The following TFCP2L1 variants were observed in gnomAD, a reference collection of about 807,000 sequenced individuals.
The protein encoded by TFCP2L1 is transcription factor CP2 like 1, also known as transcription factor CP2-like protein 1.
In TFCP2L1, 12 loss-of-function variants were observed where a neutral mutation model predicts 72.2. That is an observed-to-expected ratio of 0.17 (90% confidence interval 0.11 to 0.27). TFCP2L1 has a LOEUF of 0.27. Among genes scored for constraint, TFCP2L1 ranks in the 10% least tolerant of loss-of-function variants. The pLI, the probability that TFCP2L1 is intolerant of heterozygous loss-of-function variation, is 1.00. For missense variants in TFCP2L1, 488 were observed against 624.6 expected, an observed-to-expected ratio of 0.78 and a Z score of 2.33; for synonymous variants, 260 against 251.0, an observed-to-expected ratio of 1.04 and a Z score of -0.34.
chr2:121,266,277 C>T (rs757520446), intron 2 of TFCP2L1, among the ~76,000 whole-genome samples: 1 of 151,980 alleles, frequency 6.6e-6, no homozygotes, highest in Non-Finnish European at 1.5e-5. Context: ...ACCTTCCTTC[C>T]TTCCCTCTCT....
chr2:121,241,483 C>T (rs1396876440), intron 7 of TFCP2L1, among the ~76,000 whole-genome samples: 4 of 151,576 alleles, frequency 2.6e-5, no homozygotes, highest in East Asian at 1.9e-4. Context: ...GGCAACAGAG[C>T]GAGACTCAGT....
At chr2:121,235,554 C>A (rs1686229177) in intron 10 of TFCP2L1, among the ~76,000 whole-genome samples, 1 of 150,522 alleles carries the variant, frequency 6.6e-6, no homozygotes, top group South Asian at 2.1e-4. Flanking sequence ...CATTGCCTGC[C>A]CTGCTTGCTT....
At chr2:121,235,135 C>T in intron 11 of TFCP2L1, 86 bp downstream of exon 11, 1 of 1,437,834 alleles carries the variant, frequency 7.0e-7, no homozygotes. Context: ...GACCACCCAC[C>T]ATCCAAAAGG....
chr2:121,236,397 G>GA (rs754722678), intron 10 of TFCP2L1, among the ~76,000 whole-genome samples: 1 of 152,124 alleles, frequency 6.6e-6, no homozygotes, highest in Non-Finnish European at 1.5e-5. Context: ...AGGAACATAG[G>GA]AAGGTGACCG....
chr2:121,279,055 T>C (rs992033426), intron 2 of TFCP2L1, among the ~76,000 whole-genome samples: 5 of 151,812 alleles, frequency 3.3e-5, no homozygotes, highest in African/African-American at 4.8e-5. Flanking sequence ...ACTCAGCTAA[T>C]GGCCTTACCA....
chr2:121,234,334 G>GGGT (rs1198601691), intron 11 of TFCP2L1, 140 bp from the exon 12 acceptor site: 1 of 767,660 alleles, frequency 1.3e-6, no homozygotes, highest in Non-Finnish European at 2.1e-6. Context: ...GCCTGTCATG[G>GGGT]GGTGGTGGAT....
In TFCP2L1 at chr2:121,265,676, G is replaced by T. The variant is rs1042213425; in HGVS notation, c.214+15444C>A. On this transcript the variant is annotated intron_variant, in intron 2 of 14. Transcript: ENST00000263707. ...TTTTTGTATTTTTAGTAGAGTCGGGGTTTCACCATGTTAGCCAGGCTGGTC... is the reference window on the plus strand; with the variant it reads ...TTTTTGTATTTTTAGTAGAGTCGGGTTTTCACCATGTTAGCCAGGCTGGTC... Among the ~76,000 whole-genome samples, 3 of 151,962 alleles carry T rather than the reference G, an allele frequency of 2.0e-5. No homozygotes were observed. The East Asian group carries it at 5.8e-4, about 29-fold the overall frequency.
At position 121,260,528 on chromosome 2, in the gene TFCP2L1, C is replaced by T. The variant is rs535219066; in HGVS notation, c.215-10881G>A. 1.1e-3 allele frequency among the ~76,000 whole-genome samples: 174 copies of T among 152,348 alleles called. 2 individuals are homozygous for T. Among genetic ancestry groups the T allele is most frequent in the African/African-American group, 3.0e-3 (125 of 41,594 alleles). On this transcript the variant is annotated intron_variant, in intron 2 of 14. Coordinates refer to ENST00000263707, the MANE Select transcript of TFCP2L1 (RefSeq NM_014553.3). ...TACCCATGCACAGGTCACTGTATTC[C>T]GTGCTGCACACAGAAACTGTCCTCC...
rs576109181 is a variant in TFCP2L1 at position 121,265,675 on chromosome 2, G to C, written c.214+15445C>G. ...ATTTTTGTATTTTTAGTAGAGTCGG[G>C]GTTTCACCATGTTAGCCAGGCTGGT... On this transcript the variant is annotated intron_variant, in intron 2 of 14. Transcript: ENST00000263707. Among the ~76,000 whole-genome samples, 50 of 151,886 alleles carry C rather than the reference G, an allele frequency of 3.3e-4. No individual in the cohort carries two copies. In the South Asian group the frequency reaches 0.01, roughly 32 times the overall value.
At chr2:121,245,141 A>G (rs553741333) in intron 6 of TFCP2L1, among the ~76,000 whole-genome samples, 14 of 152,314 alleles carry the variant, frequency 9.2e-5, no homozygotes, top group African/African-American at 3.4e-4. Context: ...TAATCACAGC[A>G]TCCTTACAAA....
intron 6 of TFCP2L1, among the ~76,000 whole-genome samples, chr2:121,246,427 T>A (rs1255604143): frequency 1.3e-5 from 2 of 152,072 alleles, no homozygotes; most frequent in South Asian, 4.2e-4. Context: ...GAGAGACTCT[T>A]GCTTTGATTT....
Position 121,239,632 on chromosome 2 carries a change from G to T in TFCP2L1, c.786C>A (p.Asp262Glu). Residue 262 changes from aspartate (D) to glutamate (E), a missense_variant, in exon 8 of 15, where the codon GAC (aspartate) becomes GAA (glutamate). By Grantham distance (45) the Asp-to-Glu change is conservative. Transcript: ENST00000263707. ...TILTECSPWPDVAYQVNSAPS... is the reference protein window; with the variant it reads ...TILTECSPWPEVAYQVNSAPS... ...GGGCGCTGTTCACCTGGTAGGCCAC[G>T]TCGGGCCATGGAGAGCACTGCAGGA... 1 of 1,614,158 alleles carries T rather than the reference G, an allele frequency of 6.2e-7. No individual in the cohort carries two copies. The highest frequency in any genetic ancestry group is 1.3e-5 in the African/African-American group (1 of 75,068).
At chr2:121,247,564 G>A (rs990004097) in intron 5 of TFCP2L1, among the ~76,000 whole-genome samples, 3 of 149,020 alleles carry the variant, frequency 2.0e-5, no homozygotes, top group African/African-American at 5.0e-5. Context: ...AAAAAAAAAA[G>A]AGAAAGAAAA....
At chr2:121,240,491 G>A (rs1686346908) in intron 7 of TFCP2L1, 1 of 985,318 alleles carries the variant, frequency 1.0e-6, no homozygotes, top group Non-Finnish European at 1.2e-6. Flanking sequence ...TATTGTGAGT[G>A]TGGGCTCGAA....
At chr2:121,228,416 G>A (rs1264369656) in intron 13 of TFCP2L1, among the ~76,000 whole-genome samples, 2 of 150,954 alleles carry the variant, frequency 1.3e-5, no homozygotes, top group South Asian at 2.1e-4. Flanking sequence ...CTCAGGTTAG[G>A]AACCTCAGGC....
rs947872561 is a variant in TFCP2L1, at chr2:121,218,197, A to G, written c.*6144T>C. On this transcript the variant is annotated 3_prime_UTR_variant, in exon 15 of 15. Transcript: ENST00000263707. The stretch of plus-strand genomic sequence containing the variant: ...AAAATCAATATTATGTTGGCGTAAG[A>G]GCAAACAAATTTCCACAATTTTTAA... 5 of 152,352 alleles carry G rather than the reference A, an allele frequency of 3.3e-5. No individual in the cohort carries two copies. Among genetic ancestry groups the G allele is most frequent in the African/African-American group, 1.2e-4 (5 of 41,586 alleles). 9.4% of individuals were successfully genotyped at this position (152,352 alleles called of 1,614,324 possible).
At position 121,235,321 on chromosome 2, in the gene TFCP2L1, A is replaced by G; in HGVS notation, c.1004-10T>C. On this transcript the variant is annotated splice_polypyrimidine_tract_variant and intron_variant, in intron 10 of 14. Transcript: ENST00000263707. ...TTCAGCAAGTCAGCACCTAGGCAGGAAAAAAACGGGGATGCCTGTTACATG... is the reference window on the plus strand; with the variant it reads ...TTCAGCAAGTCAGCACCTAGGCAGGGAAAAAACGGGGATGCCTGTTACATG... 6.2e-7 allele frequency: 1 copy of G among 1,613,734 alleles called. No individual in the cohort carries two copies.
intron 2 of TFCP2L1, among the ~76,000 whole-genome samples, chr2:121,263,067 C>G (rs917817562): frequency 1.3e-5 from 2 of 152,196 alleles, no homozygotes; most frequent in African/African-American, 2.4e-5. Flanking sequence ...TCCCAAGTAG[C>G]TGGGATTACA....
chr2:121,274,982 T>C (rs1160102656), intron 2 of TFCP2L1, among the ~76,000 whole-genome samples: 1 of 152,018 alleles, frequency 6.6e-6, no homozygotes, highest in African/African-American at 2.4e-5. Context: ...CTCAGCCCTA[T>C]AGAACTTCCA....
Sources: gnomAD v4.1 joint callset for allele counts (sites outside exome capture counted in the v4.1 genomes callset) on GRCh38, gnomAD v4.1.1 for gene constraint, MANE v1.5 for transcripts, NCBI Gene and HGNC (gene_info 2026-07-23, HGNC 2026-07-21) for gene names.